Variants in GALNT5 observed in about 807,000 individuals in gnomAD.
The protein encoded by GALNT5 is polypeptide N-acetylgalactosaminyltransferase 5, also known as UDP-GalNAc:polypeptide N-acetylgalactosaminyltransferase 5.
GALNT5 carries 72 observed loss-of-function variants against 85.4 expected under a neutral mutation model. That is an observed-to-expected ratio of 0.84 (90% CI 0.70 to 1.03). The LOEUF is 1.03. Among genes scored for constraint, GALNT5 ranks in the 50% least tolerant of loss-of-function variants. The pLI is 0.00. For missense variants in GALNT5, 1,137 were observed against 1,135.5 expected (o/e 1.00, Z -0.02); for synonymous variants, 404 against 397.0 (o/e 1.02, Z -0.21).
At chr2:157,299,712 C>A in intron 6 of GALNT5, 47 bp downstream of exon 6, 2 of 1,009,366 alleles carry the variant, frequency 2.0e-6, no homozygotes, top group South Asian at 1.4e-5. Context: ...ATGAGTTAAT[C>A]AATTTTAAAT....
At chr2:157,298,934 A>ACGGAAGAC (rs146351396) in intron 5 of GALNT5, 11 of 151,678 alleles carry the variant, frequency 7.3e-5, no homozygotes, top group Admixed American at 3.9e-4. Flanking sequence ...TATACCCTTG[A>ACGGAAGAC]CGGAAGACCG....
chr2:157,278,785 G>C (rs541994977), intron 1 of GALNT5, among the ~76,000 whole-genome samples: 3 of 152,200 alleles, frequency 2.0e-5, no homozygotes, highest in African/African-American at 7.2e-5. Flanking sequence ...AGAGAAGTTT[G>C]TTATTACCGA....
intron 6 of GALNT5, among the ~76,000 whole-genome samples, chr2:157,299,950 TACG>T (rs1212205368): frequency 6.6e-6 from 1 of 152,200 alleles, no homozygotes; most frequent in East Asian, 1.9e-4. Flanking sequence ...GTGGGAGTCA[TACG>T]TGCTACAAAA....
intron 1 of GALNT5, among the ~76,000 whole-genome samples, chr2:157,279,978 A>C (rs1163532431): frequency 1.3e-5 from 2 of 152,082 alleles, no homozygotes; most frequent in Non-Finnish European, 2.9e-5. Flanking sequence ...TGTATTTTTT[A>C]GTAGAGATGG....
rs190748720 is a variant in GALNT5, at chr2:157,269,239, T to G, written c.1454+9703T>G. Among the ~76,000 whole-genome samples, 75 of 152,296 alleles carry G rather than the reference T, an allele frequency of 4.9e-4. 1 individual carries two copies. The highest frequency in any genetic ancestry group is 2.3e-3 in the Admixed American group (35 of 15,302). On this transcript the variant is annotated intron_variant, in intron 1 of 9. Transcript: ENST00000259056. Reference sequence around the variant, plus strand: ...GTTCCTTTGAACAAAACAAGCACACTAGTTTTGCTAGATACCCGGAAACAT... The same window carrying G: ...GTTCCTTTGAACAAAACAAGCACACGAGTTTTGCTAGATACCCGGAAACAT...
intron 1 of GALNT5, among the ~76,000 whole-genome samples, chr2:157,265,019 A>C (rs1021778333): frequency 6.6e-6 from 1 of 152,198 alleles, no homozygotes; most frequent in East Asian, 1.9e-4. Context: ...GCAGGGAAAA[A>C]AAAACCTCAT....
In GALNT5 at chr2:157,314,208, C is replaced by T. The variant is rs1265982101; in HGVS notation, c.*2860C>T. 1.4e-5 allele frequency: 2 copies of T among 141,514 alleles called. No homozygotes were observed. The highest frequency in any genetic ancestry group is 2.0e-4 in the East Asian group (1 of 4,886). The allele number at this position is 141,514 out of a possible 1,614,324, so 8.8% of individuals were successfully genotyped here. A position where few individuals can be genotyped will look rare whatever the true frequency, so the allele number is the denominator to read the frequency against. Reference sequence around the variant, plus strand: ...GGATTAGCTTAGGTCATTGCCTTTACTTTAAAAAAAAAAAAAAAAAGTCTA... The same window carrying T: ...GGATTAGCTTAGGTCATTGCCTTTATTTTAAAAAAAAAAAAAAAAAGTCTA... On this transcript the variant is annotated 3_prime_UTR_variant, in exon 10 of 10. Transcript: ENST00000259056.
Position 157,284,363 on chromosome 2 carries a change from C to T in GALNT5, c.1536C>T (p.Leu512=). ...MCFVDEVWST[L]LRSVHSVINR... ...TTGTGGATGAAGTGTGGTCCACTCT[C>T]CTGAGATCTGTTCACAGTGTCATCA... is the stretch of plus-strand genomic sequence containing the variant. Residue 512 remains leucine (L), a synonymous_variant, in exon 2 of 10, where the codon CTC becomes CTT. Coordinates refer to ENST00000259056, the MANE Select transcript of GALNT5 (RefSeq NM_014568.3). 1.2e-6 allele frequency: 2 copies of T among 1,613,778 alleles called. No homozygotes were observed. The highest frequency in any genetic ancestry group is 1.7e-6 in the Non-Finnish European group (2 of 1,179,652).
At chr2:157,272,770 A>G (rs1252730187) in intron 1 of GALNT5, among the ~76,000 whole-genome samples, 4 of 152,182 alleles carry the variant, frequency 2.6e-5, no homozygotes, top group Non-Finnish European at 5.9e-5. Flanking sequence ...TCTTTATCCA[A>G]TCCACCATTG....
chr2:157,282,996 G>A (rs1682889581), intron 1 of GALNT5, among the ~76,000 whole-genome samples: 1 of 152,218 alleles, frequency 6.6e-6, no homozygotes, highest in Admixed American at 6.5e-5. Flanking sequence ...AATAAGTAAA[G>A]TATAACCATG....
rs1435654208 is a variant in GALNT5, at chr2:157,299,525, AAAAC to A, written c.1998-18_1998-15del. 6.9e-7 allele frequency: 1 copy of A among 1,455,766 alleles called. No homozygotes were observed. Among genetic ancestry groups the A allele is most frequent in the Non-Finnish European group, 9.6e-7 (1 of 1,038,694 alleles). The allele number at this position is 1,455,766 out of a possible 1,614,324, so 90.2% of individuals were successfully genotyped here. On this transcript the variant is annotated intron_variant, in intron 5 of 9. Transcript: ENST00000259056. ...GAGCTTTCATGAGATGCAAGTTTAA[AAAAC>A]AAACTTTTCTTTTTGTAGGTGCCCT... is the stretch of plus-strand genomic sequence containing the variant.
intron 3 of GALNT5, among the ~76,000 whole-genome samples, chr2:157,286,952 C>T (rs1429063534): frequency 7.0e-6 from 1 of 143,302 alleles, no homozygotes. Flanking sequence ...TAAGTTCATG[C>T]CATTTGTTTG....
chr2:157,282,287 T>C (rs1026008696), intron 1 of GALNT5, among the ~76,000 whole-genome samples: 1 of 152,062 alleles, frequency 6.6e-6, no homozygotes, highest in Non-Finnish European at 1.5e-5. Context: ...GAGCTCAAGT[T>C]CTTAAACTCA....
chr2:157,264,798 A>G (rs1682423497), intron 1 of GALNT5, among the ~76,000 whole-genome samples: 1 of 152,174 alleles, frequency 6.6e-6, no homozygotes, highest in South Asian at 2.1e-4. Context: ...GTGATCAGGT[A>G]TCCTCCCAAA....
chr2:157,303,538 G>C (rs1683392804), intron 7 of GALNT5, among the ~76,000 whole-genome samples: 1 of 151,960 alleles, frequency 6.6e-6, no homozygotes, highest in South Asian at 2.1e-4. Context: ...TAAAAACATG[G>C]ATCAATTATT....
chr2:157,305,751 T>A lies in GALNT5; in HGVS notation c.2442T>A (p.Leu814=). 4 of 1,583,850 alleles carry A rather than the reference T, an allele frequency of 2.5e-6. No individual in the cohort carries two copies. The highest frequency in any genetic ancestry group is 1.7e-5 in the Admixed American group (1 of 59,662). The change falls in exon 8 of 10, where the codon CTT becomes CTA. Residue 814 remains leucine (L), a splice_region_variant and synonymous_variant. Transcript: ENST00000259056. ...CTGTTTCGTATTTTGCTTTTTAGCT[T>A]ATTAATGTGGCTTTGGGTAAATGCA... is the stretch of plus-strand genomic sequence containing the variant. The part of the protein sequence containing the change: ...RAPIVRASGV[L]INVALGKCIS...
chr2:157,264,005 T>C (rs1682404777), intron 1 of GALNT5, among the ~76,000 whole-genome samples: 1 of 152,238 alleles, frequency 6.6e-6, no homozygotes, highest in African/African-American at 2.4e-5. Flanking sequence ...GTATGTAAAA[T>C]ACAACTTCAT....
At chr2:157,288,383 GTAAT>G (rs1439690559) in intron 3 of GALNT5, among the ~76,000 whole-genome samples, 1 of 152,166 alleles carries the variant, frequency 6.6e-6, no homozygotes, top group African/African-American at 2.4e-5. Context: ...CCTTTGGAAA[GTAAT>G]TATCTATAAA....
chr2:157,311,506 A>G lies in GALNT5; in HGVS notation c.*158A>G. The G allele has an allele frequency of 1.8e-6, 1 of 568,432 alleles. No homozygotes were observed. The highest frequency in any genetic ancestry group is 3.0e-6 in the Non-Finnish European group (1 of 337,812). 35.2% of individuals were successfully genotyped at this position (568,432 alleles called of 1,614,324 possible). ...ATCACAATATTTGGAATACCAAAAGATGACTCAGGAAAACAGTCCAACATT... is the reference window on the plus strand; with the variant it reads ...ATCACAATATTTGGAATACCAAAAGGTGACTCAGGAAAACAGTCCAACATT... On this transcript the variant is annotated 3_prime_UTR_variant, in exon 10 of 10. Coordinates refer to ENST00000259056, the MANE Select transcript of GALNT5 (RefSeq NM_014568.3).
Sources: allele counts gnomAD v4.1 joint callset (sites outside exome capture counted in the v4.1 genomes callset), GRCh38; gene constraint gnomAD v4.1.1; transcripts MANE v1.5; gene names NCBI Gene and HGNC (gene_info 2026-07-23, HGNC 2026-07-21).